Variants in TTC39C observed in about 807,000 individuals in gnomAD.
TTC39C encodes tetratricopeptide repeat protein 39C.
In TTC39C, 33 loss-of-function variants were observed where a neutral mutation model predicts 76.3. The ratio of observed to expected loss-of-function variants is 0.43; its 90% CI spans 0.33 to 0.58. TTC39C has a LOEUF of 0.58. Among genes scored for constraint, TTC39C ranks in the 20% least tolerant of loss-of-function variants. The probability of loss-of-function intolerance (pLI) is 0.04; values close to 1 mark genes in which losing one functional copy is unlikely to be tolerated. For missense variants in TTC39C, 595 were observed against 701.4 expected, an observed-to-expected ratio of 0.85 and a Z score of 1.71; for synonymous variants, 254 against 260.6, an observed-to-expected ratio of 0.97 and a Z score of 0.24.
intron 6 of TTC39C, among the ~76,000 whole-genome samples, chr18:24,104,688 T>TTGTGTGTGTGTG (rs10661950): frequency 0.027 from 3,977 of 144,732 alleles, 116 homozygotes; most frequent in African/African-American, 0.059. Context: ...AGCAGGGTGT[T>TTGTGTGTGTGTG]TGTGTGTGTG....
At chr18:24,023,967 TA>T (rs2083553989) in intron 1 of TTC39C, among the ~76,000 whole-genome samples, 4 of 17,740 alleles carry the variant, frequency 2.3e-4, no homozygotes, top group African/African-American at 5.0e-4. Flanking sequence ...TATATATATA[TA>T]TATATATATA....
In TTC39C at chr18:24,097,602, G is replaced by T. The variant is rs138404851; in HGVS notation, c.984+14521G>T. Among the ~76,000 whole-genome samples the T allele has an allele frequency of 2.5e-4, 38 of 152,274 alleles. 1 individual carries two copies. In the East Asian group the frequency reaches 4.6e-3, roughly 19 times the overall value. On this transcript the variant is annotated intron_variant, in intron 6 of 13. Transcript: ENST00000317571. ...TTATTTATAGTCCTCTTCAATTAGG[G>T]CATGAACAAGATTAATATTTTCTTT...
Position 24,064,127 on chromosome 18 carries a change from G to T in TTC39C, c.168-13G>T, listed in dbSNP as rs56229252. 197,332 of 1,607,780 alleles carry T rather than the reference G, an allele frequency of 0.12. 12,643 individuals carry two copies. The highest frequency in any genetic ancestry group is 0.23 in the Middle Eastern group (1,409 of 6,030). ...AATTGTATTTTGTGTGTGTGTGTGT[G>T]TTTTTTTAACAGAAATCATAGCCCA... On this transcript the variant is annotated splice_polypyrimidine_tract_variant and intron_variant, in intron 1 of 13. Transcript: ENST00000317571.
intron 1 of TTC39C, among the ~76,000 whole-genome samples, chr18:24,020,715 A>G (rs1427266897): frequency 6.6e-6 from 1 of 152,196 alleles, no homozygotes; most frequent in Admixed American, 6.5e-5. Context: ...CAAGGGAAAA[A>G]GTCTGTATAT....
chr18:24,007,615 C>T (rs1017291939), intron 1 of TTC39C, among the ~76,000 whole-genome samples: 2 of 152,190 alleles, frequency 1.3e-5, no homozygotes, highest in African/African-American at 4.8e-5. Context: ...AACTTCTGAC[C>T]TCAGGTGATC....
intron 6 of TTC39C, among the ~76,000 whole-genome samples, chr18:24,085,820 T>C (rs543252735): frequency 6.6e-6 from 1 of 152,314 alleles, no homozygotes; most frequent in East Asian, 1.9e-4. Flanking sequence ...AGACAAAATA[T>C]GATGAGTGTT....
chr18:24,110,859 A>C (rs1351817788), intron 6 of TTC39C, among the ~76,000 whole-genome samples: 1 of 152,230 alleles, frequency 6.6e-6, no homozygotes, highest in Non-Finnish European at 1.5e-5. Flanking sequence ...TTTACTAGTG[A>C]AGAAACTGAG....
At position 24,049,119 on chromosome 18, in the gene TTC39C, A is replaced by G. The variant is rs112871915; in HGVS notation, c.168-15021A>G. Among the ~76,000 whole-genome samples the G allele has an allele frequency of 1.1e-3, 172 of 152,322 alleles. 1 individual carries two copies. The highest frequency in any genetic ancestry group is 4.0e-3 in the African/African-American group (167 of 41,568). On this transcript the variant is annotated intron_variant, in intron 1 of 13. Coordinates refer to ENST00000317571, the MANE Select transcript of TTC39C (RefSeq NM_001135993.2). ...GACAATTCAAGAACTATATTTGTAA[A>G]ATAATGTTTTAAAGAGAGCCAACGG...
chr18:24,055,078 C>CT (rs1255831189), intron 1 of TTC39C, among the ~76,000 whole-genome samples: 2 of 151,940 alleles, frequency 1.3e-5, no homozygotes, highest in Non-Finnish European at 2.9e-5. Flanking sequence ...TCAGAATTTT[C>CT]TTTTTTTTAA....
At chr18:24,118,905 C>A (rs891272349) in intron 8 of TTC39C, among the ~76,000 whole-genome samples, 1 of 152,158 alleles carries the variant, frequency 6.6e-6, no homozygotes, top group Non-Finnish European at 1.5e-5. Flanking sequence ...ATCCTCCTGC[C>A]TCAGCCTCCC....
At chr18:24,037,927 T>A (rs77989563) in intron 1 of TTC39C, among the ~76,000 whole-genome samples, 4,597 of 152,254 alleles carry the variant, frequency 0.03, 220 homozygotes, top group African/African-American at 0.1. Flanking sequence ...TCAGGCGACA[T>A]GTTTCTTCAG....
chr18:24,057,348 G>T (rs1004364753), intron 1 of TTC39C, among the ~76,000 whole-genome samples: 1 of 151,866 alleles, frequency 6.6e-6, no homozygotes. Flanking sequence ...TTTTCTCTTT[G>T]TCATAAGGAA....
intron 8 of TTC39C, among the ~76,000 whole-genome samples, chr18:24,119,819 A>G (rs984636629): frequency 6.6e-6 from 1 of 152,246 alleles, no homozygotes; most frequent in African/African-American, 2.4e-5. Flanking sequence ...TGAATAGCCC[A>G]GAAAAGAGAG....
intron 7 of TTC39C, among the ~76,000 whole-genome samples, chr18:24,117,620 T>G (rs2084911542): frequency 6.6e-6 from 1 of 151,408 alleles, no homozygotes; most frequent in Non-Finnish European, 1.5e-5. Context: ...GAGAATTGCT[T>G]GAACCCAGGG....
chr18:24,059,401 T>C (rs11082917), intron 1 of TTC39C, among the ~76,000 whole-genome samples: 101,302 of 151,856 alleles, frequency 0.67, 33,984 homozygotes, highest in East Asian at 0.78. Flanking sequence ...GTGTCTGTTG[T>C]TCCCCTCTAT....
intron 1 of TTC39C, among the ~76,000 whole-genome samples, chr18:24,038,824 A>G (rs1599261316): frequency 6.6e-6 from 1 of 152,224 alleles, no homozygotes; most frequent in South Asian, 2.1e-4. Flanking sequence ...ATGTTCTCAC[A>G]TGGCCTTTTC....
Position 24,015,154 on chromosome 18 carries a change from G to A in TTC39C, c.167+116G>A, listed in dbSNP as rs970444570. On this transcript the variant is annotated intron_variant, in intron 1 of 13. Coordinates refer to ENST00000317571, the MANE Select transcript of TTC39C (RefSeq NM_001135993.2). The stretch of plus-strand genomic sequence containing the variant: ...CCCCCTCCTGTCGGTCACCGATTCC[G>A]GTCCTCAGGTCTCCTCCCTGGCAAG... The A allele has an allele frequency of 1.2e-5, 11 of 925,548 alleles. No individual in the cohort carries two copies. In the African/African-American group the frequency reaches 1.8e-4, roughly 15 times the overall value. The allele number at this position is 925,548 out of a possible 1,614,324, so 57.3% of individuals were successfully genotyped here.
rs367894799 is a variant in TTC39C, at chr18:24,090,189, A to G, written c.984+7108A>G. ...TTGACTGTTGTTTCCCAATATTTCA[A>G]TGTGATAGCAAGTACTGCAATAAAT... On this transcript the variant is annotated intron_variant, in intron 6 of 13. Coordinates refer to ENST00000317571, the MANE Select transcript of TTC39C (RefSeq NM_001135993.2). Among the ~76,000 whole-genome samples, 37 of 152,276 alleles carry G rather than the reference A, an allele frequency of 2.4e-4. No homozygotes were observed. The East Asian group carries it at 3.9e-3, about 16-fold the overall frequency.
At chr18:24,094,990 G>A (rs1185195039) in intron 6 of TTC39C, among the ~76,000 whole-genome samples, 1 of 152,176 alleles carries the variant, frequency 6.6e-6, no homozygotes, top group Non-Finnish European at 1.5e-5. Flanking sequence ...ATTCTAGATG[G>A]CATCTTCTTC....
Sources: gnomAD v4.1 joint callset for allele counts (sites outside exome capture counted in the v4.1 genomes callset) on GRCh38, gnomAD v4.1.1 for gene constraint, MANE v1.5 for transcripts, NCBI Gene and HGNC (gene_info 2026-07-23, HGNC 2026-07-21) for gene names.